COL9A3: variants seen among roughly 807,000 people sequenced by gnomAD.
The protein encoded by COL9A3 is collagen type IX alpha 3 chain, also known as collagen alpha-3(IX) chain.
COL9A3 carries 82 observed loss-of-function variants against 110.2 expected under a neutral mutation model. The observed-to-expected ratio is 0.74, with a 90% confidence interval of 0.62 to 0.89. The LOEUF (loss-of-function observed/expected upper bound fraction) is 0.89. COL9A3 is among the 40% of genes least tolerant of loss of function. COL9A3 has a pLI of 0.00. For missense variants in COL9A3, 1,066 were observed against 981.3 expected (o/e 1.09, Z -1.15); for synonymous variants, 494 against 403.8 (o/e 1.22, Z -2.68).
chr20:62,823,120 T>C lies in COL9A3; in HGVS notation c.519+488T>C, dbSNP rs1376222007. Among the ~76,000 whole-genome samples the C allele has an allele frequency of 3.9e-5, 6 of 152,326 alleles. No homozygotes were observed. In the East Asian group the frequency reaches 1.2e-3, roughly 29 times the overall value. On this transcript the variant is annotated intron_variant, in intron 10 of 31. Transcript: ENST00000649368. ...GGGAGGCCCAGACAGGAGGATCGCT[T>C]AAGCTCAGGAGTTTGAGACCAGCCT... is the stretch of plus-strand genomic sequence containing the variant.
rs748998634 is a variant in COL9A3, at chr20:62,830,330, A to G, written c.1162-30A>G. The G allele has an allele frequency of 5.1e-6, 8 of 1,559,982 alleles. No homozygotes were observed. In the South Asian group the frequency reaches 9.4e-5, roughly 18 times the overall value. On this transcript the variant is annotated intron_variant, in intron 22 of 31. Coordinates refer to ENST00000649368, the MANE Select transcript of COL9A3 (RefSeq NM_001853.4). ...TTGGGGACTCCTCGAACCCTGAGAC[A>G]TCCGCTCACACCTCACCTTTGTCTT...
rs1991030533 is a variant in COL9A3 at position 62,819,070 on chromosome 20, C to G, written c.184-152C>G. 13 of 806,848 alleles carry G rather than the reference C, an allele frequency of 1.6e-5. No homozygotes were observed. The South Asian group carries it at 1.9e-4, about 12-fold the overall frequency. The allele number at this position is 806,848 out of a possible 1,614,324, so 50.0% of individuals were successfully genotyped here. On this transcript the variant is annotated intron_variant, in intron 3 of 31. Coordinates refer to ENST00000649368, the MANE Select transcript of COL9A3 (RefSeq NM_001853.4). ...CAGGACACACGTGCCCCAGCTGAGC[C>G]GGGTCTGCCAGACAGTAGGGGGGAC...
chr20:62,817,145 G>T lies in COL9A3; in HGVS notation c.78+3G>T. On this transcript the variant is annotated splice_donor_region_variant and intron_variant, in intron 1 of 31. Transcript: ENST00000649368. ...TTCTGGCGGCCGCCGGGGCGCAGGTGAGCGCGAGCTCCGGGCTCTGAGGCT... is the reference window on the plus strand; with the variant it reads ...TTCTGGCGGCCGCCGGGGCGCAGGTTAGCGCGAGCTCCGGGCTCTGAGGCT... 2.2e-6 allele frequency: 3 copies of T among 1,394,112 alleles called. No homozygotes were observed. Among genetic ancestry groups the T allele is most frequent in the South Asian group, 2.8e-5 (2 of 70,346 alleles). 86.4% of individuals were successfully genotyped at this position (1,394,112 alleles called of 1,614,324 possible). A position where few individuals can be genotyped will look rare whatever the true frequency, so the allele number is the denominator to read the frequency against.
Position 62,840,817 on chromosome 20 carries a change from C to A in COL9A3, c.*85C>A. The A allele has an allele frequency of 2.0e-6, 3 of 1,494,666 alleles. No homozygotes were observed. Among genetic ancestry groups the A allele is most frequent in the Non-Finnish European group, 2.7e-6 (3 of 1,097,250 alleles). The allele number at this position is 1,494,666 out of a possible 1,614,324, so 92.6% of individuals were successfully genotyped here. A position where few individuals can be genotyped will look rare whatever the true frequency, so the allele number is the denominator to read the frequency against. On this transcript the variant is annotated 3_prime_UTR_variant, in exon 32 of 32. Transcript: ENST00000649368. ...GAGCGGGGGTGTGGCAGGCGGGTGA[C>A]GTCCAGGAGAGGGAGCGCCCCTGGC...
At chr20:62,833,107 G>A (rs1203663122) in intron 26 of COL9A3, 43 bp downstream of exon 26, 19 of 1,540,520 alleles carry the variant, frequency 1.2e-5, no homozygotes, top group South Asian at 2.2e-5. Context: ...AGCTGGGAGC[G>A]AGGTCGCCAC....
chr20:62,828,572 C>T (rs2063571765), intron 17 of COL9A3, among the ~76,000 whole-genome samples, 192 bp from the exon 18 acceptor site: 1 of 152,256 alleles, frequency 6.6e-6, no homozygotes, highest in East Asian at 1.9e-4. Flanking sequence ...ACCCGCACCC[C>T]TCACCTGTGC....
rs990122883 is a variant in COL9A3 at position 62,840,757 on chromosome 20, C to T, written c.*25C>T. ...AAATTCAACGTGAGGAAGCAAGTGA[C>T]AAGGACGCCCGAAGCACAGTGGACG... On this transcript the variant is annotated 3_prime_UTR_variant, in exon 32 of 32. Transcript: ENST00000649368. The T allele has an allele frequency of 6.4e-7, 1 of 1,553,048 alleles. No homozygotes were observed. The highest frequency in any genetic ancestry group is 2.0e-5 in the Admixed American group (1 of 51,104).
In COL9A3 at chr20:62,840,447, A is replaced by T. The variant is rs6090136; in HGVS notation, c.1865-95A>T. On this transcript the variant is annotated intron_variant, in intron 31 of 31. Transcript: ENST00000649368. ...GCCTCTCCCCAAGTGAAGAGTGAGCAGATGGAAGAGCAGGGCTTGCCCACA... is the reference window on the plus strand; with the variant it reads ...GCCTCTCCCCAAGTGAAGAGTGAGCTGATGGAAGAGCAGGGCTTGCCCACA... 258,736 of 1,146,864 alleles carry T rather than the reference A, an allele frequency of 0.23. 32,250 individuals are homozygous for T. Among genetic ancestry groups the T allele is most frequent in the African/African-American group, 0.39 (25,832 of 65,938 alleles). The allele number at this position is 1,146,864 out of a possible 1,614,324, so 71.0% of individuals were successfully genotyped here.
Position 62,819,948 on chromosome 20 carries a change from G to T in COL9A3, c.275G>T (p.Gly92Val). The change falls in exon 5 of 32, where the codon GGA (glycine) becomes GTA (valine). Residue 92 changes from glycine (G) to valine (V), a missense_variant. Gly to Val is a moderately radical substitution (Grantham distance 109). Transcript: ENST00000649368. Reference protein sequence around the residue: ...PGVDGLTGRDGPPGPKGAPGE... With the variant: ...PGVDGLTGRDVPPGPKGAPGE... ...CCCCAGGGTCTGACTGGACGAGATG[G>T]ACCCCCTGGACCCAAGGGTGCCCCT... is the stretch of plus-strand genomic sequence containing the variant. 6.2e-7 allele frequency: 1 copy of T among 1,612,880 alleles called. No individual in the cohort carries two copies. The highest frequency in any genetic ancestry group is 8.5e-7 in the Non-Finnish European group (1 of 1,179,980).
At chr20:62,828,842 C>G in intron 18 of COL9A3, 25 bp downstream of exon 18, 2 of 1,612,658 alleles carry the variant, frequency 1.2e-6, no homozygotes, top group Non-Finnish European at 1.7e-6. Flanking sequence ...CAGGGTGTGA[C>G]GGGAGGGAGG....
intron 31 of COL9A3, among the ~76,000 whole-genome samples, chr20:62,840,095 C>T (rs1321540863): frequency 6.6e-6 from 1 of 152,120 alleles, no homozygotes; most frequent in Non-Finnish European, 1.5e-5. Flanking sequence ...TGGACTTTGT[C>T]ACCTCATCTC....
At chr20:62,826,058 C>G (rs1257329550) in intron 13 of COL9A3, 146 bp from the exon 14 acceptor site, 2 of 1,081,648 alleles carry the variant, frequency 1.8e-6, no homozygotes, top group Non-Finnish European at 2.7e-6. Flanking sequence ...AGGCTGGTGC[C>G]CCCTCCCTCT....
chr20:62,840,327 G>T (rs953382861), intron 31 of COL9A3, among the ~76,000 whole-genome samples: 6 of 152,068 alleles, frequency 3.9e-5, no homozygotes, highest in Non-Finnish European at 7.4e-5. Flanking sequence ...CCCCTGCCTG[G>T]GGCTGGCCGC....
At chr20:62,821,894 C>T (rs1186158984) in intron 8 of COL9A3, 84 bp downstream of exon 8, 1 of 837,234 alleles carries the variant, frequency 1.2e-6, no homozygotes, top group Non-Finnish European at 2.0e-6. Context: ...CTCCCTTCCC[C>T]TCTCCCTTTT....
chr20:62,818,011 A>AT (rs1327083105), intron 2 of COL9A3: 2 of 366,116 alleles, frequency 5.5e-6, no homozygotes, highest in African/African-American at 4.2e-5. Context: ...GGAGCCAGCC[A>AT]TGGAGGGGGC....
chr20:62,818,637 T>G, intron 3 of COL9A3, 84 bp downstream of exon 3: 2 of 1,400,408 alleles, frequency 1.4e-6, no homozygotes, highest in Non-Finnish European at 2.0e-6. Context: ...ATTGATATCC[T>G]GTCTCATCCT....
At chr20:62,832,293 A>C (rs1057120584) in intron 25 of COL9A3, 104 bp downstream of exon 25, 2 of 1,153,896 alleles carry the variant, frequency 1.7e-6, no homozygotes, top group South Asian at 1.3e-5. Flanking sequence ...TTTTCGGGAC[A>C]CTGAGCCTCC....
intron 24 of COL9A3, 64 bp downstream of exon 24, chr20:62,830,652 A>AT: frequency 4.7e-6 from 2 of 423,278 alleles, no homozygotes; most frequent in African/African-American, 7.9e-5. Context: ...ACAGTCCCCC[A>AT]CCCCCATGAC....
intron 5 of COL9A3, 67 bp downstream of exon 5, chr20:62,820,049 C>T: frequency 6.4e-7 from 1 of 1,558,686 alleles, no homozygotes; most frequent in Non-Finnish European, 8.8e-7. Flanking sequence ...CCTCTGGCTG[C>T]TCTGTGTCCA....
Sources: gnomAD v4.1 joint callset for allele counts (sites outside exome capture counted in the v4.1 genomes callset) on GRCh38, gnomAD v4.1.1 for gene constraint, MANE v1.5 for transcripts, NCBI Gene and HGNC (gene_info 2026-07-23, HGNC 2026-07-21) for gene names.